Variants in DPP9 observed in about 807,000 individuals in gnomAD.
The protein encoded by DPP9 is dipeptidyl peptidase 9.
In DPP9, 50 loss-of-function variants were observed where a neutral mutation model predicts 110.7. The observed-to-expected ratio is 0.45, with a 90% CI of 0.36 to 0.57. DPP9 has a LOEUF of 0.57. Among genes scored for constraint, DPP9 ranks in the 20% least tolerant of loss-of-function variants. The pLI is 0.00. For synonymous variants in DPP9, 561 were observed against 514.4 expected, an observed-to-expected ratio of 1.09 and a Z score of -1.23; for missense variants, 1,022 against 1,217.9, an observed-to-expected ratio of 0.84 and a Z score of 2.39.
chr19:4,714,673 T>C (rs1249751605), intron 3 of DPP9, among the ~76,000 whole-genome samples: 2 of 151,882 alleles, frequency 1.3e-5, no homozygotes, highest in African/African-American at 4.8e-5. Context: ...ACTGCAGGTG[T>C]GAGCCACCAT....
Position 4,704,140 on chromosome 19 carries a change from G to T in DPP9, c.591C>A (p.Asn197Lys), listed in dbSNP as rs779291543. The T allele has an allele frequency of 1.9e-6, 3 of 1,613,980 alleles. No individual in the cohort carries two copies. The highest frequency in any genetic ancestry group is 4.5e-5 in the East Asian group (2 of 44,892). The part of the protein sequence containing the change: ...SLFHCRDGGK[N>K]GFMVSPMKPL... ...CAGGGCCAGGGCTCACCATGAAGCC[G>T]TTCTTGCCGCCGTCGCGGCAGTGGA... The change falls in exon 6 of 22, where the codon AAC (asparagine) becomes AAA (lysine). Residue 197 changes from asparagine (N) to lysine (K), a missense_variant. Transcript: ENST00000262960. The surrounding 1 kb of genome is among the most constrained non-coding windows in gnomAD (Gnocchi z 6.0).
chr19:4,681,614 G>C (rs2089890388), intron 20 of DPP9, among the ~76,000 whole-genome samples: 1 of 152,002 alleles, frequency 6.6e-6, no homozygotes, highest in Non-Finnish European at 1.5e-5. Flanking sequence ...GCCCAGGCTA[G>C]AGTGCAGTGG....
At position 4,718,503 on chromosome 19, in the gene DPP9, C is replaced by A. The variant is rs1399471326; in HGVS notation, c.56+1348G>T. Among the ~76,000 whole-genome samples, 3 of 152,204 alleles carry A rather than the reference C, an allele frequency of 2.0e-5. No homozygotes were observed. Among genetic ancestry groups the A allele is most frequent in the Non-Finnish European group, 2.9e-5 (2 of 68,020 alleles). ...CAAGGTGGACTTTGGGCAGCCGGCC[C>A]AGGCCAGGCAAGTGCCCCTGCAAGT... On this transcript the variant is annotated intron_variant, in intron 3 of 21. Transcript: ENST00000262960. The surrounding 1 kb of genome is among the most constrained non-coding windows in gnomAD (Gnocchi z 4.3).
Position 4,702,105 on chromosome 19 carries a change from A to G in DPP9, c.934T>C (p.Ser312Pro), listed in dbSNP as rs2092296578. ...LRILYEEVDE[S>P]EVEVIHVPSP... is the part of the protein sequence containing the mutation. ...GGGACGTGAATGACCTCCACCTCGGACTCATCGACTTCCTCATACAGGATT... is the reference window on the plus strand; with the variant it reads ...GGGACGTGAATGACCTCCACCTCGGGCTCATCGACTTCCTCATACAGGATT... The change falls in exon 9 of 22, where the codon TCC (serine) becomes CCC (proline). Residue 312 changes from serine (S) to proline (P), a missense_variant. By Grantham distance (74) the Ser-to-Pro change is moderately conservative (BLOSUM62 -1). Transcript: ENST00000262960. 6.2e-7 allele frequency: 1 copy of G among 1,613,650 alleles called. No homozygotes were observed. The highest frequency in any genetic ancestry group is 1.3e-5 in the African/African-American group (1 of 74,866).
chr19:4,691,484 A>C (rs1038630378), intron 13 of DPP9, among the ~76,000 whole-genome samples: 12 of 151,540 alleles, frequency 7.9e-5, no homozygotes, highest in South Asian at 4.2e-4. Context: ...AAAAAAAAAA[A>C]ACAAAAAACA....
Position 4,714,166 on chromosome 19 carries a change from G to A in DPP9, c.228C>T (p.Leu76=), listed in dbSNP as rs776033494. ...IIHGSRKYSG[L]IVNKAPHDFQ... ...AGTCGTGGGGCGCCTTGTTGACAAT[G>A]AGGCCCGAGTACTTGCGGCTGCCGT... The change falls in exon 4 of 22, where the codon CTC becomes CTT. Residue 76 remains leucine (L), a synonymous_variant. Transcript: ENST00000262960. 5.6e-6 allele frequency: 9 copies of A among 1,612,864 alleles called. 1 individual carries two copies. The South Asian group carries it at 8.8e-5, about 16-fold the overall frequency.
At position 4,685,602 on chromosome 19, in the gene DPP9, C is replaced by T; in HGVS notation, c.2031+24G>A. The T allele has an allele frequency of 6.3e-7, 1 of 1,586,956 alleles. No homozygotes were observed. Among genetic ancestry groups the T allele is most frequent in the Non-Finnish European group, 8.6e-7 (1 of 1,167,712 alleles). ...CCTCGGGTGGATGGTGGGGTGGGGG[C>T]CTGGGGAGCAGGTGTGCACTCACCT... On this transcript the variant is annotated intron_variant, in intron 17 of 21. Transcript: ENST00000262960. The surrounding 1 kb of genome is among the most constrained non-coding windows in gnomAD (Gnocchi z 5.8).
At position 4,702,153 on chromosome 19, in the gene DPP9, A is replaced by G; in HGVS notation, c.886T>C (p.Ser296Pro). The G allele has an allele frequency of 6.8e-6, 11 of 1,610,394 alleles. No homozygotes were observed. Among genetic ancestry groups the G allele is most frequent in the Non-Finnish European group, 9.3e-6 (11 of 1,177,754 alleles). Residue 296 changes from serine (S) to proline (P), a missense_variant and splice_region_variant, in exon 9 of 22, where the codon TCA becomes CCA. Ser to Pro is a moderately conservative substitution (Grantham distance 74, BLOSUM62 -1). Around this residue, in one of 3 missense-constraint regions of DPP9, gnomAD observed 810 missense variants for 920.6 expected, o/e 0.88. Coordinates refer to ENST00000262960, the MANE Select transcript of DPP9 (RefSeq NM_139159.5). The part of the protein sequence containing the change: ...WWCPTASWEG[S>P]EGLKTLRILY... ...ATTCGCAGCGTCTTGAGGCCCTCTG[A>G]ACCTTGGGTGGGGTGGTGGAAAAAC...
At position 4,694,553 on chromosome 19, in the gene DPP9, C is replaced by T. The variant is rs1471547963; in HGVS notation, c.1516+108G>A. ...TTCCTGCCGATCCCTGTTCCTTCTCCCGCAGGGTGTGCTGGCTGAGTGGGG... is the reference window on the plus strand; with the variant it reads ...TTCCTGCCGATCCCTGTTCCTTCTCTCGCAGGGTGTGCTGGCTGAGTGGGG... On this transcript the variant is annotated intron_variant, in intron 13 of 21. Coordinates refer to ENST00000262960, the MANE Select transcript of DPP9 (RefSeq NM_139159.5). The surrounding 1 kb of genome is among the most constrained non-coding windows in gnomAD (Gnocchi z 4.0). The T allele has an allele frequency of 7.2e-7, 1 of 1,393,008 alleles. No individual in the cohort carries two copies. The highest frequency in any genetic ancestry group is 9.7e-7 in the Non-Finnish European group (1 of 1,026,900). The allele number at this position is 1,393,008 out of a possible 1,614,324, so 86.3% of individuals were successfully genotyped here. A position where few individuals can be genotyped will look rare whatever the true frequency, so the allele number is the denominator to read the frequency against.
intron 20 of DPP9, among the ~76,000 whole-genome samples, chr19:4,680,978 C>G (rs2089789351): frequency 6.6e-6 from 1 of 152,074 alleles, no homozygotes; most frequent in South Asian, 2.1e-4. Flanking sequence ...AAAAACCCAC[C>G]TAGGTCTGCT....
intron 19 of DPP9, 81 bp downstream of exon 19, chr19:4,683,396 G>A (rs774351622): frequency 1.0e-4 from 166 of 1,581,328 alleles, no homozygotes; most frequent in Admixed American, 1.6e-4. Flanking sequence ...TCCGGGTGGC[G>A]CGGGCGGTGG....
chr19:4,690,262 G>A (rs2091193270), intron 14 of DPP9, among the ~76,000 whole-genome samples: 1 of 152,204 alleles, frequency 6.6e-6, no homozygotes, highest in Non-Finnish European at 1.5e-5. Context: ...GGATGCTAAT[G>A]GTCTCGAAAC....
Position 4,682,695 on chromosome 19 carries a change from C to T in DPP9, c.2474+1G>A. 1.9e-6 allele frequency: 3 copies of T among 1,609,476 alleles called. No individual in the cohort carries two copies. Among genetic ancestry groups the T allele is most frequent in the Non-Finnish European group, 2.5e-6 (3 of 1,178,302 alleles). ...AGCGCAGGGCAGGGCAGTGGCCTTA[C>T]TCATTGGGCAGCTTCTCCACGTGCA... On this transcript the variant is annotated splice_donor_variant, in intron 20 of 21. Coordinates refer to ENST00000262960, the MANE Select transcript of DPP9 (RefSeq NM_139159.5). LOFTEE classifies it high-confidence loss of function. The surrounding 1 kb of genome is among the most constrained non-coding windows in gnomAD (Gnocchi z 7.1).
chr19:4,707,205 C>T (rs138350149), intron 4 of DPP9, among the ~76,000 whole-genome samples: 47 of 152,338 alleles, frequency 3.1e-4, no homozygotes, highest in African/African-American at 1.1e-3. Flanking sequence ...CAGTAAGCCG[C>T]GGCTTTCCAC....
In DPP9 at chr19:4,705,920, T is replaced by C; in HGVS notation, c.364A>G (p.Lys122Glu). 6.2e-7 allele frequency: 1 copy of C among 1,613,918 alleles called. No individual in the cohort carries two copies. Among genetic ancestry groups the C allele is most frequent in the Non-Finnish European group, 8.5e-7 (1 of 1,179,830 alleles). The part of the protein sequence containing the change: ...ENSLLYSEIP[K>E]KVRKEALLLL... The stretch of plus-strand genomic sequence containing the variant: ...AGCAGAGCCTCTTTCCGGACCTTCT[T>C]GGGAATCTCAGAGTAGAGGAGGGAG... Residue 122 changes from lysine to glutamate, a missense_variant, in exon 5 of 22, where the codon AAG (lysine) becomes GAG (glutamate). By Grantham distance (56) the Lys-to-Glu change is moderately conservative. This residue lies in a region of DPP9 where 810 missense variants were observed against 920.6 expected (regional missense o/e 0.88). Transcript: ENST00000262960.
chr19:4,686,443 C>A (rs766006586), intron 16 of DPP9, among the ~76,000 whole-genome samples: 1 of 151,880 alleles, frequency 6.6e-6, no homozygotes, highest in Non-Finnish European at 1.5e-5. Flanking sequence ...CCTCATCTTC[C>A]CAAGTAGCTG....
rs1181626752 is a variant in DPP9, at chr19:4,697,440, A to G, written c.1175+111T>C. On this transcript the variant is annotated intron_variant, in intron 11 of 21. Transcript: ENST00000262960. ...GTCCTGGCGGTTGCACTGCGGGAAG[A>G]CGTGAGCAGATGGAAGGAATGGCAC... The G allele has an allele frequency of 6.8e-6, 6 of 883,894 alleles. No individual in the cohort carries two copies. The East Asian group carries it at 1.6e-4, about 23-fold the overall frequency. The allele number at this position is 883,894 out of a possible 1,614,324, so 54.8% of individuals were successfully genotyped here. A position where few individuals can be genotyped will look rare whatever the true frequency, so the allele number is the denominator to read the frequency against.
At chr19:4,722,808 G>C (rs1182069090) in intron 1 of DPP9, 2 of 432,862 alleles carry the variant, frequency 4.6e-6, no homozygotes, top group African/African-American at 4.1e-5. Context: ...CACCCCCTGG[G>C]CTTTAGTCCC....
chr19:4,714,099 G>A lies in DPP9; in HGVS notation c.295C>T (p.His99Tyr), dbSNP rs764661019. The change falls in exon 4 of 22, where the codon CAC (histidine) becomes TAC (tyrosine). Residue 99 changes from histidine (H) to tyrosine (Y), a missense_variant. Around this residue, in one of 3 missense-constraint regions of DPP9, gnomAD observed 810 missense variants for 920.6 expected, o/e 0.88. Transcript: ENST00000262960. ...QKTDESGPHS[H>Y]RLYYLGMPYG... is the part of the protein sequence containing the mutation. ...GGCTTACCCAGGTAGTAGAGGCGGT[G>A]GGAGTGGGGCCCAGACTCATCCGTC... is the stretch of plus-strand genomic sequence containing the variant. 15 of 1,611,606 alleles carry A rather than the reference G, an allele frequency of 9.3e-6. No homozygotes were observed. Among genetic ancestry groups the A allele is most frequent in the Non-Finnish European group, 1.2e-5 (14 of 1,178,540 alleles).
Sources: allele counts gnomAD v4.1 joint callset (sites outside exome capture counted in the v4.1 genomes callset), GRCh38; gene constraint gnomAD v4.1.1; regional missense constraint gnomAD v4.1.1; non-coding constraint Gnocchi (gnomAD v3.1); transcripts MANE v1.5; gene names NCBI Gene and HGNC (gene_info 2026-07-23, HGNC 2026-07-21).